Variants in PXK observed in about 807,000 individuals in gnomAD.
The protein encoded by PXK is PX domain-containing protein kinase-like protein.
In PXK, 35 loss-of-function variants were observed where a neutral mutation model predicts 84.7. The ratio of observed to expected loss-of-function variants is 0.41; its 90% confidence interval spans 0.32 to 0.55. The LOEUF is 0.55. PXK is among the 20% of genes least tolerant of loss of function. The pLI, the probability that PXK is intolerant of heterozygous loss-of-function variation, is 0.21. For missense variants in PXK, 634 were observed against 699.7 expected (o/e 0.91, Z 1.06); for synonymous variants, 253 against 260.8 (o/e 0.97, Z 0.29).
Position 58,409,429 on chromosome 3 carries a change from C to A in PXK, c.1309-103C>A, listed in dbSNP as rs2059859729. ...GACAGCCTGAGCAAGGAAAGATTTTCTTTTATCCCAATAAAATGTGGTTTG... is the reference window on the plus strand; with the variant it reads ...GACAGCCTGAGCAAGGAAAGATTTTATTTTATCCCAATAAAATGTGGTTTG... On this transcript the variant is annotated intron_variant, in intron 14 of 17. Coordinates refer to ENST00000356151, the MANE Select transcript of PXK (RefSeq NM_017771.5). The surrounding 1 kb of genome is among the most constrained non-coding windows in gnomAD (Gnocchi z 4.2). The A allele has an allele frequency of 5.6e-6, 6 of 1,077,648 alleles. No individual in the cohort carries two copies. Among genetic ancestry groups the A allele is most frequent in the Non-Finnish European group, 4.2e-6 (3 of 721,402 alleles). The allele number at this position is 1,077,648 out of a possible 1,614,324, so 66.8% of individuals were successfully genotyped here.
At chr3:58,368,012 A>G (rs1455351502) in intron 2 of PXK, among the ~76,000 whole-genome samples, 1 of 145,316 alleles carries the variant, frequency 6.9e-6, no homozygotes, top group African/African-American at 2.6e-5. Flanking sequence ...TTTAATTTTT[A>G]GTTTTGTAGA....
At chr3:58,336,069 ATATTT>A (rs1260298672) in intron 1 of PXK, among the ~76,000 whole-genome samples, 191 of 56,530 alleles carry the variant, frequency 3.4e-3, no homozygotes, top group African/African-American at 0.02. Flanking sequence ...ATATATATAT[ATATTT>A]TTTTTTTTTT....
At chr3:58,342,491 C>T (rs1324582749) in intron 1 of PXK, among the ~76,000 whole-genome samples, 4 of 151,812 alleles carry the variant, frequency 2.6e-5, no homozygotes. Flanking sequence ...AAAGATTAGC[C>T]AGGTAAGGTA....
At chr3:58,392,308 C>T (rs549277057) in intron 7 of PXK, among the ~76,000 whole-genome samples, 3 of 152,186 alleles carry the variant, frequency 2.0e-5, no homozygotes, top group Non-Finnish European at 4.4e-5. Flanking sequence ...ATTATTTACA[C>T]GACTACACAG....
chr3:58,395,227 G>A, intron 8 of PXK, 125 bp downstream of exon 8: 1 of 629,186 alleles, frequency 1.6e-6, no homozygotes, highest in Non-Finnish European at 2.6e-6. Flanking sequence ...GATTTTATTT[G>A]GAATTTATTT....
At chr3:58,349,920 C>A (rs59443961) in intron 1 of PXK, among the ~76,000 whole-genome samples, 20,791 of 152,084 alleles carry the variant, frequency 0.14, 2,267 homozygotes, top group African/African-American at 0.29. Flanking sequence ...GCCCTGCAGC[C>A]ATTGGGGTTT....
In PXK at chr3:58,369,523, T is replaced by C. The variant is rs1333794270; in HGVS notation, c.201+45T>C. 7 of 1,544,430 alleles carry C rather than the reference T, an allele frequency of 4.5e-6. No individual in the cohort carries two copies. The Admixed American group carries it at 1.0e-4, about 22-fold the overall frequency. ...AATTACACACATTGATTACTTGGGGTGTCTAAAAAACTGGCTGGAGTCGGG... is the reference window on the plus strand; with the variant it reads ...AATTACACACATTGATTACTTGGGGCGTCTAAAAAACTGGCTGGAGTCGGG... On this transcript the variant is annotated intron_variant, in intron 3 of 17. Transcript: ENST00000356151.
In PXK at chr3:58,398,176, G is replaced by A. The variant is rs567691758; in HGVS notation, c.1102+454G>A. ...AGCACTTTGGAAGGCCGAGGTGGGT[G>A]GATCACATGAGGTCAGGAGTTTGAG... is the stretch of plus-strand genomic sequence containing the variant. On this transcript the variant is annotated intron_variant, in intron 11 of 17. Transcript: ENST00000356151. This position sits in a 1 kb window ranked among gnomAD's most constrained non-coding sequence, Gnocchi z 4.5. Among the ~76,000 whole-genome samples the A allele has an allele frequency of 1.7e-4, 26 of 152,282 alleles. No individual in the cohort carries two copies. In the Middle Eastern group the frequency reaches 0.01, roughly 60 times the overall value.
Position 58,425,082 on chromosome 3 carries a change from T to C in PXK, c.*122T>C. 2.2e-6 allele frequency: 3 copies of C among 1,381,966 alleles called. No individual in the cohort carries two copies. Among genetic ancestry groups the C allele is most frequent in the Non-Finnish European group, 2.9e-6 (3 of 1,029,424 alleles). 85.6% of individuals were successfully genotyped at this position (1,381,966 alleles called of 1,614,324 possible). A position where few individuals can be genotyped will look rare whatever the true frequency, so the allele number is the denominator to read the frequency against. ...CAGTACAGCCACAAACAGTACTATT[T>C]TGCAGATGCTCATGTAAGCAGCTTT... On this transcript the variant is annotated 3_prime_UTR_variant, in exon 18 of 18. Coordinates refer to ENST00000356151, the MANE Select transcript of PXK (RefSeq NM_017771.5).
intron 1 of PXK, among the ~76,000 whole-genome samples, chr3:58,351,397 G>GTGTGTGTGTGTC (rs1436660689): frequency 1.2e-4 from 6 of 52,076 alleles, no homozygotes; most frequent in African/African-American, 5.1e-4. Flanking sequence ...CTAGCTATTT[G>GTGTGTGTGTGTC]TGTGTGTGTG....
rs886508485 is a variant in PXK, at chr3:58,385,113, T to A, written c.388+2413T>A. On this transcript the variant is annotated intron_variant, in intron 4 of 17. Coordinates refer to ENST00000356151, the MANE Select transcript of PXK (RefSeq NM_017771.5). This position sits in a 1 kb window ranked among gnomAD's most constrained non-coding sequence, Gnocchi z 5.1. ...CTGCCCCACATGCTGTTGTTGTCTT[T>A]GATCTCTACTCCCCCTCCCCACCCC... Among the ~76,000 whole-genome samples, 2 of 152,156 alleles carry A rather than the reference T, an allele frequency of 1.3e-5. No individual in the cohort carries two copies. Among genetic ancestry groups the A allele is most frequent in the Non-Finnish European group, 2.9e-5 (2 of 68,026 alleles).
chr3:58,365,127 C>T (rs1260691767), intron 1 of PXK, among the ~76,000 whole-genome samples: 1 of 151,736 alleles, frequency 6.6e-6, no homozygotes, highest in Non-Finnish European at 1.5e-5. Flanking sequence ...TAGTTTTTCT[C>T]TTTTCTAATA....
Position 58,333,876 on chromosome 3 carries a change from C to CT in PXK, c.102+799dup, listed in dbSNP as rs34649995. On this transcript the variant is annotated intron_variant, in intron 1 of 17. Coordinates refer to ENST00000356151, the MANE Select transcript of PXK (RefSeq NM_017771.5). The surrounding 1 kb of genome is among the most constrained non-coding windows in gnomAD (Gnocchi z 5.4). ...CGTGGTTGTTTTCATTTGCTTGTAC[C>CT]TTTTTTTTTTTTTGAAAGGCCCACT... Among the ~76,000 whole-genome samples the CT allele has an allele frequency of 0.076, 11,009 of 144,412 alleles. 475 individuals are homozygous for CT. Among genetic ancestry groups the CT allele is most frequent in the Middle Eastern group, 0.1 (29 of 284 alleles). The allele number at this position is 144,412 out of a possible 152,430, so 94.7% of individuals were successfully genotyped here.
rs147808718 is a variant in PXK, at chr3:58,380,272, G to C, written c.202-2242G>C. On this transcript the variant is annotated intron_variant, in intron 3 of 17. Coordinates refer to ENST00000356151, the MANE Select transcript of PXK (RefSeq NM_017771.5). Reference sequence around the variant, plus strand: ...AAAACAACAACAAAAAATGGATCAAGAATCATTATGATTAGCTGTGTGTGG... The same window carrying C: ...AAAACAACAACAAAAAATGGATCAACAATCATTATGATTAGCTGTGTGTGG... Among the ~76,000 whole-genome samples the C allele has an allele frequency of 9.9e-5, 15 of 152,068 alleles. No individual in the cohort carries two copies. In the East Asian group the frequency reaches 2.9e-3, roughly 29 times the overall value.
chr3:58,409,969 AC>A lies in PXK; in HGVS notation c.1396-119del. The A allele has an allele frequency of 1.5e-6, 1 of 673,400 alleles. No individual in the cohort carries two copies. The highest frequency in any genetic ancestry group is 2.6e-6 in the Non-Finnish European group (1 of 387,244). 41.7% of individuals were successfully genotyped at this position (673,400 alleles called of 1,614,324 possible). ...GTGTTAAGTTATGGGGCTGAATATT[AC>A]CTTGTCTGCAGCTAGTTTAATGGTA... On this transcript the variant is annotated intron_variant, in intron 15 of 17. Coordinates refer to ENST00000356151, the MANE Select transcript of PXK (RefSeq NM_017771.5). The surrounding 1 kb of genome is among the most constrained non-coding windows in gnomAD (Gnocchi z 4.2).
intron 17 of PXK, chr3:58,422,155 T>C (rs907931997): frequency 6.1e-6 from 6 of 985,164 alleles, no homozygotes; most frequent in African/African-American, 1.7e-5. Context: ...TTGTGGACCA[T>C]GGAAAGGGCC....
rs367728022 is a variant in PXK, at chr3:58,334,883, A to G, written c.102+1793A>G. On this transcript the variant is annotated intron_variant, in intron 1 of 17. Coordinates refer to ENST00000356151, the MANE Select transcript of PXK (RefSeq NM_017771.5). The stretch of plus-strand genomic sequence containing the variant: ...AAAATAACTTAGAGATCAGTGCTTT[A>G]GCTAGGTGGCGAAAGATGTAATAGG... Among the ~76,000 whole-genome samples, 41 of 152,182 alleles carry G rather than the reference A, an allele frequency of 2.7e-4. No homozygotes were observed. The South Asian group carries it at 3.7e-3, about 14-fold the overall frequency.
At chr3:58,415,543 A>G (rs551405832) in intron 17 of PXK, among the ~76,000 whole-genome samples, 1 of 152,256 alleles carries the variant, frequency 6.6e-6, no homozygotes, top group Non-Finnish European at 1.5e-5. Flanking sequence ...CCGCATGTTC[A>G]GCTATCAGGA....
rs2059859305 is a variant in PXK at position 58,409,427 on chromosome 3, T to A, written c.1309-105T>A. ...TAGACAGCCTGAGCAAGGAAAGATT[T>A]TCTTTTATCCCAATAAAATGTGGTT... On this transcript the variant is annotated intron_variant, in intron 14 of 17. Transcript: ENST00000356151. The surrounding 1 kb of genome is among the most constrained non-coding windows in gnomAD (Gnocchi z 4.2). 1 of 1,060,930 alleles carries A rather than the reference T, an allele frequency of 9.4e-7. No homozygotes were observed. Among genetic ancestry groups the A allele is most frequent in the Admixed American group, 2.3e-5 (1 of 43,674 alleles). 65.7% of individuals were successfully genotyped at this position (1,060,930 alleles called of 1,614,324 possible).
Sources: gnomAD v4.1 joint callset for allele counts (sites outside exome capture counted in the v4.1 genomes callset) on GRCh38, gnomAD v4.1.1 for gene constraint, Gnocchi (gnomAD v3.1) non-coding constraint, MANE v1.5 for transcripts, NCBI Gene and HGNC (gene_info 2026-07-23, HGNC 2026-07-21) for gene names.